Variants in AGMO observed in about 807,000 individuals in gnomAD.
The protein encoded by AGMO is alkylglycerol monooxygenase.
In AGMO, 75 loss-of-function variants were observed where a neutral mutation model predicts 60.2. That is an observed-to-expected ratio of 1.25 (90% CI 1.03 to 1.51). The LOEUF (loss-of-function observed/expected upper bound fraction) is 1.51. Ranked by LOEUF, AGMO falls within the 40% of genes most tolerant of loss-of-function variation. The probability of loss-of-function intolerance (pLI) is 0.00; values close to 1 mark genes in which losing one functional copy is unlikely to be tolerated. For missense variants in AGMO, 763 were observed against 525.5 expected (o/e 1.45, Z -4.42); for synonymous variants, 261 against 177.1 (o/e 1.47, Z -3.76).
chr7:15,532,751 GA>G (rs1416915022), intron 3 of AGMO, among the ~76,000 whole-genome samples: 1 of 152,098 alleles, frequency 6.6e-6, no homozygotes, highest in Non-Finnish European at 1.5e-5. Context: ...AGCACTTTGG[GA>G]GGCCGAGGTG....
At chr7:15,272,661 G>T (rs942270519) in intron 12 of AGMO, among the ~76,000 whole-genome samples, 1 of 152,044 alleles carries the variant, frequency 6.6e-6, no homozygotes, top group South Asian at 2.1e-4. Context: ...GGGATGGCTG[G>T]GTCAAATGGT....
intron 3 of AGMO, among the ~76,000 whole-genome samples, chr7:15,539,537 A>G (rs1023391015): frequency 1.3e-5 from 2 of 152,090 alleles, no homozygotes; most frequent in Non-Finnish European, 2.9e-5. Flanking sequence ...TATCCAGTCT[A>G]CCATTGGTGG....
chr7:15,341,025 G>A (rs527764256), intron 12 of AGMO, among the ~76,000 whole-genome samples: 41 of 152,248 alleles, frequency 2.7e-4, no homozygotes, highest in African/African-American at 7.0e-4. Context: ...CCAAGACCAC[G>A]GGAATCCACC....
At chr7:15,269,226 T>C (rs1000766787) in intron 12 of AGMO, among the ~76,000 whole-genome samples, 2 of 152,088 alleles carry the variant, frequency 1.3e-5, no homozygotes, top group Non-Finnish European at 2.9e-5. Context: ...ATTTAGCAGC[T>C]TGTGTGTGCA....
At chr7:15,320,130 A>AG (rs1781064196) in intron 12 of AGMO, among the ~76,000 whole-genome samples, 1 of 149,062 alleles carries the variant, frequency 6.7e-6, no homozygotes, top group South Asian at 2.1e-4. Flanking sequence ...GGGGAGGGGG[A>AG]AGGGATAGCA....
chr7:15,395,860 A>C (rs986396744), intron 5 of AGMO, among the ~76,000 whole-genome samples: 1 of 152,190 alleles, frequency 6.6e-6, no homozygotes, highest in Non-Finnish European at 1.5e-5. Context: ...TCTGGCATTA[A>C]AACACCCAAT....
chr7:15,321,918 G>A (rs1583404885), intron 12 of AGMO, among the ~76,000 whole-genome samples: 1 of 151,882 alleles, frequency 6.6e-6, no homozygotes, highest in Admixed American at 6.6e-5. Flanking sequence ...AAAATTGGAG[G>A]TCTATTTAAT....
intron 10 of AGMO, among the ~76,000 whole-genome samples, 170 bp from the exon 11 acceptor site, chr7:15,366,392 C>CT (rs1175692148): frequency 1.3e-5 from 2 of 152,126 alleles, no homozygotes; most frequent in African/African-American, 4.8e-5. Flanking sequence ...TTCTTAATGT[C>CT]TTTCAGTTCC....
At chr7:15,465,619 T>TA (rs2128510254) in intron 3 of AGMO, among the ~76,000 whole-genome samples, 1 of 142,048 alleles carries the variant, frequency 7.0e-6, no homozygotes, top group Non-Finnish European at 1.6e-5. Flanking sequence ...ATATATATGA[T>TA]TTTTTTTTTA....
intron 10 of AGMO, among the ~76,000 whole-genome samples, chr7:15,371,297 G>C: frequency 6.6e-6 from 1 of 151,864 alleles, no homozygotes; most frequent in Middle Eastern, 3.4e-3. Context: ...CTAAGCTCAC[G>C]ACAACCTCCC....
At position 15,348,679 on chromosome 7, in the gene AGMO, T is replaced by C. The variant is rs376226366; in HGVS notation, c.1263+16835A>G. Among the ~76,000 whole-genome samples the C allele has an allele frequency of 8.5e-5, 13 of 152,198 alleles. No homozygotes were observed. In the East Asian group the frequency reaches 9.6e-4, roughly 11 times the overall value. On this transcript the variant is annotated intron_variant, in intron 12 of 12. Transcript: ENST00000342526. ...AGGCTGTTTTTACTAGAAATAAATA[T>C]GAGTATAGCATCACTCTGTTTTTCA...
chr7:15,327,072 T>C (rs920081718), intron 12 of AGMO, among the ~76,000 whole-genome samples: 17 of 152,174 alleles, frequency 1.1e-4, no homozygotes, highest in African/African-American at 4.1e-4. Context: ...GAGATTTGAA[T>C]CCCATATTGT....
intron 12 of AGMO, among the ~76,000 whole-genome samples, chr7:15,303,212 T>C (rs748674483): frequency 2.0e-5 from 3 of 152,166 alleles, no homozygotes; most frequent in Non-Finnish European, 2.9e-5. Flanking sequence ...CTTTATAATA[T>C]GCTGAAAATA....
chr7:15,226,834 T>G (rs1164859678), intron 12 of AGMO, among the ~76,000 whole-genome samples: 1 of 152,090 alleles, frequency 6.6e-6, no homozygotes, highest in Non-Finnish European at 1.5e-5. Flanking sequence ...TGAAGAATTT[T>G]TATATTCATG....
intron 12 of AGMO, among the ~76,000 whole-genome samples, chr7:15,314,782 G>A (rs1307666629): frequency 4.6e-5 from 7 of 152,012 alleles, no homozygotes; most frequent in Non-Finnish European, 1.0e-4. Context: ...CTTAAGACAA[G>A]CAGATCATCC....
chr7:15,168,161 G>C, the AGMO span, among the ~76,000 whole-genome samples: 1 of 152,326 alleles, frequency 6.6e-6, no homozygotes, highest in South Asian at 2.1e-4. Flanking sequence ...CAGGTCATTA[G>C]CCAGCACAGG....
At chr7:15,271,810 A>G (rs1273222371) in intron 12 of AGMO, among the ~76,000 whole-genome samples, 1 of 152,154 alleles carries the variant, frequency 6.6e-6, no homozygotes, top group Non-Finnish European at 1.5e-5. Context: ...GATATGTCAT[A>G]TATGGCTCTT....
chr7:15,367,078 G>GA (rs1471443522), intron 10 of AGMO, among the ~76,000 whole-genome samples: 1 of 151,656 alleles, frequency 6.6e-6, no homozygotes, highest in African/African-American at 2.4e-5. Context: ...AATTCTTTTG[G>GA]AAAAATGAAC....
chr7:15,363,584 A>G (rs1025667129), intron 12 of AGMO, among the ~76,000 whole-genome samples: 5 of 152,178 alleles, frequency 3.3e-5, no homozygotes, highest in African/African-American at 9.6e-5. Context: ...TTCAAAGTTC[A>G]AGTCTTTACC....
Sources: gnomAD v4.1 joint callset for allele counts (sites outside exome capture counted in the v4.1 genomes callset) on GRCh38, gnomAD v4.1.1 for gene constraint, MANE v1.5 for transcripts, NCBI Gene and HGNC (gene_info 2026-07-23, HGNC 2026-07-21) for gene names.